Variants in APCDD1 observed in about 807,000 individuals in gnomAD.
APCDD1 encodes APC down-regulated 1, also known as protein APCDD1.
APCDD1 carries 15 observed loss-of-function variants against 38.1 expected under a neutral mutation model. The ratio of observed to expected loss-of-function variants is 0.39; its 90% confidence interval spans 0.26 to 0.61. APCDD1 has a LOEUF of 0.61. Ranked by LOEUF, APCDD1 falls within the 20% of genes least tolerant of loss-of-function variation. The pLI is 0.49. For missense variants in APCDD1, 647 were observed against 696.2 expected (o/e 0.93, Z 0.79); for synonymous variants, 261 against 279.7 (o/e 0.93, Z 0.67).
rs2031290411 is a variant in APCDD1, at chr18:10,488,106, GAA to G, written c.*71_*72del. On this transcript the variant is annotated 3_prime_UTR_variant, in exon 5 of 5. Coordinates refer to ENST00000355285, the MANE Select transcript of APCDD1 (RefSeq NM_153000.5). The stretch of plus-strand genomic sequence containing the variant: ...TATTGACAGATTTGCTTTACCAAAA[GAA>G]AAGACATTTATTCTTTTGATGCACT... The G allele has an allele frequency of 1.3e-6, 2 of 1,578,046 alleles. No individual in the cohort carries two copies. Among genetic ancestry groups the G allele is most frequent in the East Asian group, 4.5e-5 (2 of 44,548 alleles).
Position 10,454,967 on chromosome 18 carries a change from A to G in APCDD1, c.-15A>G. Reference sequence around the variant, plus strand: ...CGGAGCGCGGCGTGCGGGAGGCCCCAGAGCAGGACTGGAAATGTCCTGGCC... The same window carrying G: ...CGGAGCGCGGCGTGCGGGAGGCCCCGGAGCAGGACTGGAAATGTCCTGGCC... On this transcript the variant is annotated 5_prime_UTR_variant, in exon 1 of 5. Coordinates refer to ENST00000355285, the MANE Select transcript of APCDD1 (RefSeq NM_153000.5). 1 of 1,533,700 alleles carries G rather than the reference A, an allele frequency of 6.5e-7. No individual in the cohort carries two copies. The highest frequency in any genetic ancestry group is 2.6e-5 in the East Asian group (1 of 38,676).
Position 10,485,578 on chromosome 18 carries a change from C to G in APCDD1, c.891C>G (p.Ser297Arg). ...LTIGLHGEWV[S>R]QRCEVRPEVL... is the part of the protein sequence containing the mutation. ...TCGGCCTGCACGGGGAGTGGGTGAGCCAGCGCTGTGAGGTGCGCCCCGAAG... is the reference window on the plus strand; with the variant it reads ...TCGGCCTGCACGGGGAGTGGGTGAGGCAGCGCTGTGAGGTGCGCCCCGAAG... The change falls in exon 4 of 5, where the codon AGC becomes AGG. Residue 297 changes from serine (S) to arginine (R), a missense_variant. By Grantham distance (110) the Ser-to-Arg change is moderately radical. Coordinates refer to ENST00000355285, the MANE Select transcript of APCDD1 (RefSeq NM_153000.5). This position sits in a 1 kb window ranked among gnomAD's most constrained non-coding sequence, Gnocchi z 5.8. The G allele has an allele frequency of 6.2e-7, 1 of 1,614,056 alleles. No individual in the cohort carries two copies. The highest frequency in any genetic ancestry group is 8.5e-7 in the Non-Finnish European group (1 of 1,180,010).
At chr18:10,455,976 TTCC>T (rs1419559065) in intron 1 of APCDD1, among the ~76,000 whole-genome samples, 1 of 152,190 alleles carries the variant, frequency 6.6e-6, no homozygotes, top group Non-Finnish European at 1.5e-5. Flanking sequence ...ACGGCTCTCC[TTCC>T]TCAACACCCA....
chr18:10,484,455 C>G lies in APCDD1; in HGVS notation c.775-1007C>G, dbSNP rs912034299. On this transcript the variant is annotated intron_variant, in intron 3 of 4. Transcript: ENST00000355285. ...AAAATACACATAATGTAAAATGTAT[C>G]GTTTAACCAGTTTTAAGTGTGCAGT... is the stretch of plus-strand genomic sequence containing the variant. 3.9e-5 allele frequency among the ~76,000 whole-genome samples: 6 copies of G among 152,234 alleles called. No homozygotes were observed. In the South Asian group the frequency reaches 8.3e-4, roughly 21 times the overall value.
rs1348790705 is a variant in APCDD1 at position 10,476,957 on chromosome 18, T to A, written c.774+4896T>A. The A allele has an allele frequency of 6.6e-6, 1 of 152,282 alleles. No individual in the cohort carries two copies. Among genetic ancestry groups the A allele is most frequent in the Non-Finnish European group, 1.5e-5 (1 of 68,050 alleles). The allele number at this position is 152,282 out of a possible 1,614,324, so 9.4% of individuals were successfully genotyped here. A position where few individuals can be genotyped will look rare whatever the true frequency, so the allele number is the denominator to read the frequency against. The stretch of plus-strand genomic sequence containing the variant: ...ATGTGTGACCTGTGCAGCTTCCTGA[T>A]GTCAGTGACACCATGGGGATGTTGA... On this transcript the variant is annotated intron_variant, in intron 3 of 4. Transcript: ENST00000355285. The surrounding 1 kb of genome is among the most constrained non-coding windows in gnomAD (Gnocchi z 5.8).
Position 10,462,643 on chromosome 18 carries a change from C to CTCCTTCCT in APCDD1, c.59-5790_59-5783dup, listed in dbSNP as rs765196609. ...CTTCCTTCCCTCCTTCCTTCCCTCC[C>CTCCTTCCT]TCCTTCCTTCCTTCCTTCCTTCCTT... On this transcript the variant is annotated intron_variant, in intron 1 of 4. Coordinates refer to ENST00000355285, the MANE Select transcript of APCDD1 (RefSeq NM_153000.5). 8.9e-4 allele frequency among the ~76,000 whole-genome samples: 14 copies of CTCCTTCCT among 15,802 alleles called. 2 individuals carry two copies. Among genetic ancestry groups the CTCCTTCCT allele is most frequent in the East Asian group, 3.0e-3 (2 of 676 alleles). The allele number at this position is 15,802 out of a possible 152,430, so 10.4% of individuals were successfully genotyped here.
intron 1 of APCDD1, among the ~76,000 whole-genome samples, chr18:10,464,946 G>T (rs1308074521): frequency 6.6e-6 from 1 of 152,090 alleles, no homozygotes; most frequent in African/African-American, 2.4e-5. Context: ...TTTTGAGGGT[G>T]GTCTGAGAGC....
At chr18:10,460,681 C>T (rs1260123089) in intron 1 of APCDD1, among the ~76,000 whole-genome samples, 1 of 152,190 alleles carries the variant, frequency 6.6e-6, no homozygotes, top group Non-Finnish European at 1.5e-5. Context: ...ATAGTAGGCA[C>T]TCAACCATTT....
At chr18:10,481,098 T>C (rs2031126786) in intron 3 of APCDD1, among the ~76,000 whole-genome samples, 1 of 152,234 alleles carries the variant, frequency 6.6e-6, no homozygotes, top group Non-Finnish European at 1.5e-5. Flanking sequence ...TATACATTGC[T>C]GATGGAAATG....
Position 10,485,889 on chromosome 18 carries a change from C to A in APCDD1, c.1096+106C>A. 1 of 1,297,032 alleles carries A rather than the reference C, an allele frequency of 7.7e-7. No homozygotes were observed. Among genetic ancestry groups the A allele is most frequent in the Non-Finnish European group, 1.1e-6 (1 of 927,862 alleles). The allele number at this position is 1,297,032 out of a possible 1,614,324, so 80.3% of individuals were successfully genotyped here. A position where few individuals can be genotyped will look rare whatever the true frequency, so the allele number is the denominator to read the frequency against. On this transcript the variant is annotated intron_variant, in intron 4 of 4. Transcript: ENST00000355285. This position sits in a 1 kb window ranked among gnomAD's most constrained non-coding sequence, Gnocchi z 5.8. ...AGGACCTCTTTTCTGCCTGAGTTCC[C>A]AGGAAAGAAATTGGGGAGTCATTTC...
chr18:10,483,643 C>CT (rs1227351785), intron 3 of APCDD1, among the ~76,000 whole-genome samples: 1 of 152,224 alleles, frequency 6.6e-6, no homozygotes, highest in Non-Finnish European at 1.5e-5. Context: ...AGATCTCCAA[C>CT]TTTAGAGAAC....
intron 3 of APCDD1, among the ~76,000 whole-genome samples, chr18:10,480,951 A>T (rs1055518396): frequency 2.6e-5 from 4 of 152,076 alleles, no homozygotes; most frequent in Non-Finnish European, 4.4e-5. Context: ...AAAAATAAAA[A>T]AAATTGGCAA....
At chr18:10,459,240 G>A (rs1370881005) in intron 1 of APCDD1, among the ~76,000 whole-genome samples, 2 of 152,060 alleles carry the variant, frequency 1.3e-5, no homozygotes, top group African/African-American at 4.8e-5. Context: ...AATACTGATT[G>A]TAGAGCCCCA....
At chr18:10,477,413 A>T (rs2031027973) in intron 3 of APCDD1, 1 of 152,242 alleles carries the variant, frequency 6.6e-6, no homozygotes, top group African/African-American at 2.4e-5. Flanking sequence ...TGGACCTTTT[A>T]TCTGGGCCGA....
intron 1 of APCDD1, among the ~76,000 whole-genome samples, chr18:10,462,267 T>C (rs2030565541): frequency 6.6e-6 from 1 of 152,258 alleles, no homozygotes; most frequent in African/African-American, 2.4e-5. Context: ...CCTTGAACTT[T>C]GCATTGCTAA....
At chr18:10,473,808 A>G (rs2030922472) in intron 3 of APCDD1, among the ~76,000 whole-genome samples, 1 of 152,182 alleles carries the variant, frequency 6.6e-6, no homozygotes, top group Admixed American at 6.5e-5. Context: ...CTGTAGCTGC[A>G]TAGCATTTCT....
At chr18:10,486,706 T>C (rs79412762) in intron 4 of APCDD1, among the ~76,000 whole-genome samples, 7 of 144,272 alleles carry the variant, frequency 4.9e-5, no homozygotes, top group South Asian at 2.2e-4. Flanking sequence ...GCTTTTTTTT[T>C]CCCCCTAAGT....
chr18:10,459,794 C>A (rs901610539), intron 1 of APCDD1, among the ~76,000 whole-genome samples: 22 of 152,220 alleles, frequency 1.4e-4, no homozygotes, highest in African/African-American at 5.1e-4. Context: ...CAGGCAATTT[C>A]ATGGCTAAGT....
intron 1 of APCDD1, 75 bp from the exon 2 acceptor site, chr18:10,468,394 A>G: frequency 1.4e-6 from 2 of 1,469,782 alleles, no homozygotes. Context: ...TGTCTGCTGC[A>G]GAGGTGGTTG....
Sources: allele counts gnomAD v4.1 joint callset (sites outside exome capture counted in the v4.1 genomes callset), GRCh38; gene constraint gnomAD v4.1.1; non-coding constraint Gnocchi (gnomAD v3.1); transcripts MANE v1.5; gene names NCBI Gene and HGNC (gene_info 2026-07-23, HGNC 2026-07-21).